SAMD5: variants seen among roughly 807,000 people sequenced by gnomAD.
SAMD5 encodes sterile alpha motif domain-containing protein 5.
SAMD5 carries 13 observed loss-of-function variants against 11.3 expected under a neutral mutation model. The observed-to-expected ratio is 1.15, with a 90% CI of 0.75 to 1.83. The LOEUF (loss-of-function observed/expected upper bound fraction) is 1.83. Ranked by LOEUF, SAMD5 falls within the 40% of genes most tolerant of loss-of-function variation. SAMD5 has a pLI of 0.00. For missense variants in SAMD5, 255 were observed against 239.1 expected (o/e 1.07, Z -0.44); for synonymous variants, 129 against 111.3 (o/e 1.16, Z -1.00).
chr6:147,909,043 T>C, the SAMD5 span, among the ~76,000 whole-genome samples: 2 of 152,120 alleles, frequency 1.3e-5, no homozygotes, highest in African/African-American at 2.4e-5. Context: ...ACTATGTCTC[T>C]ACAAAAAAAT....
chr6:147,513,229 G>C (rs1322639021), intron 1 of SAMD5, among the ~76,000 whole-genome samples: 2 of 152,202 alleles, frequency 1.3e-5, no homozygotes, highest in Non-Finnish European at 2.9e-5. Flanking sequence ...GAGCAGAAGA[G>C]AGCTATTGAC....
the SAMD5 span, among the ~76,000 whole-genome samples, chr6:147,763,814 C>T: frequency 1.3e-5 from 2 of 152,086 alleles, no homozygotes; most frequent in Non-Finnish European, 2.9e-5. Flanking sequence ...GATCTCCTGA[C>T]CTCGTGGTCC....
chr6:147,905,732 T>C, the SAMD5 span, among the ~76,000 whole-genome samples: 1 of 152,210 alleles, frequency 6.6e-6, no homozygotes, highest in Admixed American at 6.5e-5. Flanking sequence ...TTAATTGATT[T>C]CAGAGAAGGG....
intron 1 of SAMD5, among the ~76,000 whole-genome samples, chr6:147,716,346 G>A (rs1791466506): frequency 6.6e-6 from 1 of 152,240 alleles, no homozygotes; most frequent in African/African-American, 2.4e-5. Context: ...TGGGTGCTAG[G>A]AGCAGGGAGA....
Position 147,569,515 on chromosome 6 carries a change from T to C in SAMD5, c.*5059T>C. On this transcript the variant is annotated 3_prime_UTR_variant, in exon 2 of 2. Transcript: ENST00000367474. ...TATTTAAGATGGGAAATGTCTTTTA[T>C]AGGTATATTCTGTATAATACCCTTA... is the stretch of plus-strand genomic sequence containing the variant. The C allele has an allele frequency of 2.3e-6, 2 of 854,268 alleles. No individual in the cohort carries two copies. The highest frequency in any genetic ancestry group is 1.2e-4 in the East Asian group (1 of 8,186). The allele number at this position is 854,268 out of a possible 1,614,324, so 52.9% of individuals were successfully genotyped here.
At chr6:147,919,498 T>C in the SAMD5 span, among the ~76,000 whole-genome samples, 1 of 152,200 alleles carries the variant, frequency 6.6e-6, no homozygotes, top group African/African-American at 2.4e-5. Context: ...TCAAGGAGAA[T>C]GAGATTTATG....
chr6:147,671,794 T>C (rs998778801), intron 1 of SAMD5, among the ~76,000 whole-genome samples: 1 of 152,128 alleles, frequency 6.6e-6, no homozygotes, highest in Non-Finnish European at 1.5e-5. Context: ...TTCTTGTTCA[T>C]TATTGCTCTA....
chr6:147,528,844 C>T (rs1583069562), intron 1 of SAMD5, among the ~76,000 whole-genome samples: 1 of 152,218 alleles, frequency 6.6e-6, no homozygotes, highest in Admixed American at 6.5e-5. Flanking sequence ...CATAAATCCA[C>T]TGCACATTTG....
At chr6:147,849,174 T>TC in the SAMD5 span, among the ~76,000 whole-genome samples, 1 of 151,482 alleles carries the variant, frequency 6.6e-6, no homozygotes, top group Non-Finnish European at 1.5e-5. Context: ...TTTTTTTTTT[T>TC]TTACAATTCT....
At position 147,610,328 on chromosome 6, in the gene SAMD5, C is replaced by T. The variant is rs1424233827; in HGVS notation, c.162+100941C>T. On this transcript the variant is annotated intron_variant, in intron 1 of 1. Coordinates refer to the SAMD5 transcript ENST00000566741. ...AAAAAATAGGAGGAAAAAAATGTCC[C>T]CTCTAAACAAGAGACTGTATTCAAG... is the stretch of plus-strand genomic sequence containing the variant. Among the ~76,000 whole-genome samples, 4 of 152,076 alleles carry T rather than the reference C, an allele frequency of 2.6e-5. No individual in the cohort carries two copies. The East Asian group carries it at 5.8e-4, about 22-fold the overall frequency.
chr6:147,906,350 T>C, the SAMD5 span, among the ~76,000 whole-genome samples: 1 of 152,364 alleles, frequency 6.6e-6, no homozygotes, highest in South Asian at 2.1e-4. Context: ...TCTCTGCCAC[T>C]GGGCTTACAT....
At chr6:147,745,706 T>G in the SAMD5 span, among the ~76,000 whole-genome samples, 1 of 152,096 alleles carries the variant, frequency 6.6e-6, no homozygotes, top group Non-Finnish European at 1.5e-5. Context: ...ACTAGTGATT[T>G]AGGAGAGTAG....
At chr6:147,702,488 A>T (rs1385923694) in intron 1 of SAMD5, among the ~76,000 whole-genome samples, 1 of 152,206 alleles carries the variant, frequency 6.6e-6, no homozygotes, top group African/African-American at 2.4e-5. Flanking sequence ...CACTAGATAC[A>T]TTTGGTGATA....
the SAMD5 span, chr6:147,953,261 T>G: frequency 6.6e-6 from 1 of 152,124 alleles, no homozygotes; most frequent in East Asian, 1.9e-4. Flanking sequence ...TTACCAAAGG[T>G]GGTTTATTCA....
the SAMD5 span, among the ~76,000 whole-genome samples, chr6:147,897,943 TAA>T: frequency 3.1e-3 from 282 of 89,560 alleles, no homozygotes; most frequent in South Asian, 5.2e-3. Flanking sequence ...AGATTTTTCT[TAA>T]AAAAAAAAAA....
At chr6:147,875,145 A>G in the SAMD5 span, among the ~76,000 whole-genome samples, 1 of 152,238 alleles carries the variant, frequency 6.6e-6, no homozygotes, top group African/African-American at 2.4e-5. Flanking sequence ...TTAGAAAGAC[A>G]GTTTCTCAAA....
chr6:147,872,275 T>A, the SAMD5 span, among the ~76,000 whole-genome samples: 5 of 152,184 alleles, frequency 3.3e-5, no homozygotes, highest in East Asian at 9.7e-4. Flanking sequence ...CTGGCTGTTT[T>A]TTTTTAGAGA....
At chr6:147,816,291 A>AT in the SAMD5 span, among the ~76,000 whole-genome samples, 1 of 92,456 alleles carries the variant, frequency 1.1e-5, no homozygotes, top group African/African-American at 5.6e-5. Flanking sequence ...CAAAAAAAAA[A>AT]AAAAAAAAAA....
At chr6:147,681,526 A>T (rs770223790) in intron 1 of SAMD5, among the ~76,000 whole-genome samples, 14 of 152,000 alleles carry the variant, frequency 9.2e-5, no homozygotes, top group Non-Finnish European at 1.8e-4. Flanking sequence ...TTCTGTGTTG[A>T]TTCCGATTGA....
Sources: allele counts gnomAD v4.1 joint callset (sites outside exome capture counted in the v4.1 genomes callset), GRCh38; gene constraint gnomAD v4.1.1; transcripts MANE v1.5; gene names NCBI Gene and HGNC (gene_info 2026-07-23, HGNC 2026-07-21).